The following SNTG1 variants were observed in gnomAD, a reference collection of about 807,000 sequenced individuals.
SNTG1 encodes the protein syntrophin gamma 1, also known as gamma-1-syntrophin.
SNTG1 carries 39 observed loss-of-function variants against 74.7 expected under a neutral mutation model. The ratio of observed to expected loss-of-function variants is 0.52; its 90% CI spans 0.40 to 0.68. The LOEUF is 0.68. Among genes scored for constraint, SNTG1 ranks in the 30% least tolerant of loss-of-function variants. SNTG1 has a pLI of 0.00. For synonymous variants in SNTG1, 254 were observed against 217.1 expected, an observed-to-expected ratio of 1.17 and a Z score of -1.49; for missense variants, 685 against 609.5, an observed-to-expected ratio of 1.12 and a Z score of -1.30.
chr8:50,490,705 G>A (rs1268579904), intron 8 of SNTG1: 2 of 152,298 alleles, frequency 1.3e-5, no homozygotes, highest in Non-Finnish European at 2.9e-5. Context: ...CCCAGGGGTA[G>A]GCAGGCAATG....
At chr8:50,644,498 C>A (rs1408448691) in intron 13 of SNTG1, 1 of 152,110 alleles carries the variant, frequency 6.6e-6, no homozygotes, top group African/African-American at 2.4e-5. Context: ...ATCACATTTT[C>A]TCTAGCTTAC....
chr8:50,093,843 G>C (rs1181189524), intron 1 of SNTG1, among the ~76,000 whole-genome samples: 1 of 152,140 alleles, frequency 6.6e-6, no homozygotes, highest in Non-Finnish European at 1.5e-5. Context: ...GGGATAGGAA[G>C]ATGAATACAG....
chr8:50,167,095 G>A (rs2082641603), intron 1 of SNTG1, among the ~76,000 whole-genome samples: 2 of 133,214 alleles, frequency 1.5e-5, no homozygotes, highest in South Asian at 5.0e-4. Flanking sequence ...ACACAGGAAG[G>A]GGAATATCAC....
chr8:50,501,194 G>C (rs757130473), intron 8 of SNTG1, among the ~76,000 whole-genome samples: 1 of 151,926 alleles, frequency 6.6e-6, no homozygotes, highest in Non-Finnish European at 1.5e-5. Flanking sequence ...CCTATATAGC[G>C]TGCTTTCTGT....
At position 50,215,019 on chromosome 8, in the gene SNTG1, T is replaced by G. The variant is rs551735110; in HGVS notation, c.-28+42384T>G. On this transcript the variant is annotated intron_variant, in intron 2 of 18. Transcript: ENST00000642720. Reference sequence around the variant, plus strand: ...AAGAAATCTGTTTTCCTCTTCCAATTCTGAGAATCAAAATGCTGTAGACTG... The same window carrying G: ...AAGAAATCTGTTTTCCTCTTCCAATGCTGAGAATCAAAATGCTGTAGACTG... 2.6e-3 allele frequency among the ~76,000 whole-genome samples: 389 copies of G among 152,214 alleles called. 1 individual carries two copies. The highest frequency in any genetic ancestry group is 8.8e-3 in the African/African-American group (366 of 41,562).
chr8:50,257,326 T>A (rs2086933505), intron 2 of SNTG1, among the ~76,000 whole-genome samples: 1 of 152,154 alleles, frequency 6.6e-6, no homozygotes, highest in South Asian at 2.1e-4. Context: ...AAAGGACAAA[T>A]GCTGCCATTT....
chr8:50,631,395 A>T (rs934818414), intron 13 of SNTG1, among the ~76,000 whole-genome samples: 61 of 152,338 alleles, frequency 4.0e-4, no homozygotes, highest in African/African-American at 1.4e-3. Flanking sequence ...ATATTACATT[A>T]TATTATAGAG....
chr8:49,955,589 A>T (rs899412859), intron 1 of SNTG1, among the ~76,000 whole-genome samples: 4 of 152,196 alleles, frequency 2.6e-5, no homozygotes, highest in Non-Finnish European at 5.9e-5. Context: ...CTTACCAGGA[A>T]CTTAGTAGTA....
intron 2 of SNTG1, among the ~76,000 whole-genome samples, chr8:50,338,704 T>C (rs1269565649): frequency 2.0e-5 from 3 of 152,074 alleles, no homozygotes; most frequent in African/African-American, 7.2e-5. Flanking sequence ...AGCTTGAAGA[T>C]ACGTCTATGG....
chr8:50,265,825 A>T (rs2087435913), intron 2 of SNTG1, among the ~76,000 whole-genome samples: 2 of 152,100 alleles, frequency 1.3e-5, no homozygotes, highest in Non-Finnish European at 2.9e-5. Flanking sequence ...AAATAAAAAA[A>T]CAATTACATT....
intron 13 of SNTG1, among the ~76,000 whole-genome samples, chr8:50,621,487 A>G (rs370635931): frequency 6.6e-6 from 1 of 152,266 alleles, no homozygotes; most frequent in African/African-American, 2.4e-5. Flanking sequence ...TTTGATAGCC[A>G]TTATTAGCTT....
chr8:50,482,513 A>G (rs947752508), intron 8 of SNTG1, among the ~76,000 whole-genome samples: 2 of 151,916 alleles, frequency 1.3e-5, no homozygotes, highest in African/African-American at 4.8e-5. Flanking sequence ...GAGTTTGCAA[A>G]CTCCCAATGA....
chr8:49,959,183 G>T (rs1266933061), intron 1 of SNTG1, among the ~76,000 whole-genome samples: 1 of 152,158 alleles, frequency 6.6e-6, no homozygotes, highest in Non-Finnish European at 1.5e-5. Context: ...TGGAAATTAG[G>T]CTCAGAGGAA....
At position 50,276,233 on chromosome 8, in the gene SNTG1, A is replaced by G. The variant is rs531296534; in HGVS notation, c.-28+103598A>G. 9.9e-5 allele frequency among the ~76,000 whole-genome samples: 15 copies of G among 152,238 alleles called. No individual in the cohort carries two copies. In the South Asian group the frequency reaches 3.1e-3, roughly 32 times the overall value. On this transcript the variant is annotated intron_variant, in intron 2 of 18. Coordinates refer to ENST00000642720, the MANE Select transcript of SNTG1 (RefSeq NM_018967.5). ...TGGAACAGTTCAGTGAGTCATTGCC[A>G]CACTACAGACCTACAAGCTCTCAAC...
At chr8:49,976,501 A>G (rs1395068643) in intron 1 of SNTG1, among the ~76,000 whole-genome samples, 1 of 152,208 alleles carries the variant, frequency 6.6e-6, no homozygotes, top group Non-Finnish European at 1.5e-5. Context: ...TAGGAGGAAC[A>G]GGAAATAAGA....
rs907941062 is a variant in SNTG1 at position 50,740,907 on chromosome 8, C to T, written c.1285-11094C>T. ...TACAAGAACAGAAAACCAAACACCACATGTTCTCACTTATAAAAAGGAGCT... is the reference window on the plus strand; with the variant it reads ...TACAAGAACAGAAAACCAAACACCATATGTTCTCACTTATAAAAAGGAGCT... On this transcript the variant is annotated intron_variant, in intron 17 of 18. Transcript: ENST00000642720. Among the ~76,000 whole-genome samples the T allele has an allele frequency of 2.0e-5, 3 of 152,030 alleles. No homozygotes were observed. In the South Asian group the frequency reaches 6.2e-4, roughly 31 times the overall value.
At position 50,742,971 on chromosome 8, in the gene SNTG1, G is replaced by T. The variant is rs567519070; in HGVS notation, c.1285-9030G>T. ...AATATACACACTGCCAAAAGTGAAT[G>T]AATCTGTAGCTATTAAGGGGATTGA... On this transcript the variant is annotated intron_variant, in intron 17 of 18. Coordinates refer to ENST00000642720, the MANE Select transcript of SNTG1 (RefSeq NM_018967.5). Among the ~76,000 whole-genome samples, 5 of 151,838 alleles carry T rather than the reference G, an allele frequency of 3.3e-5. No homozygotes were observed. In the East Asian group the frequency reaches 9.7e-4, roughly 30 times the overall value.
At chr8:50,516,237 A>G (rs2094133076) in intron 9 of SNTG1, among the ~76,000 whole-genome samples, 1 of 152,188 alleles carries the variant, frequency 6.6e-6, no homozygotes, top group Admixed American at 6.5e-5. Flanking sequence ...ACAAACAGAA[A>G]GAAATAGCAT....
Position 50,477,511 on chromosome 8 carries a change from A to C in SNTG1, c.364-25267A>C, listed in dbSNP as rs376875062. ...CCTTCAAAAAAAAGAAAATCTGGAG[A>C]AATTGTCAAATCCAAAAGGAGCCTA... is the stretch of plus-strand genomic sequence containing the variant. On this transcript the variant is annotated intron_variant, in intron 8 of 18. Transcript: ENST00000642720. Among the ~76,000 whole-genome samples, 8 of 152,308 alleles carry C rather than the reference A, an allele frequency of 5.3e-5. No homozygotes were observed. The East Asian group carries it at 7.7e-4, about 15-fold the overall frequency.
Sources: allele counts gnomAD v4.1 joint callset (sites outside exome capture counted in the v4.1 genomes callset), GRCh38; gene constraint gnomAD v4.1.1; transcripts MANE v1.5; gene names NCBI Gene and HGNC (gene_info 2026-07-23, HGNC 2026-07-21).